The following TAF4B variants were observed in gnomAD, a reference collection of about 807,000 sequenced individuals.
TAF4B encodes the protein transcription initiation factor TFIID subunit 4B.
Under a neutral mutation model 86.4 loss-of-function variants are expected in TAF4B, and 38 were observed. The ratio of observed to expected loss-of-function variants is 0.44; its 90% confidence interval spans 0.34 to 0.58. The LOEUF (loss-of-function observed/expected upper bound fraction) is 0.58. Among genes scored for constraint, TAF4B ranks in the 20% least tolerant of loss-of-function variants. The pLI is 0.02. For synonymous variants in TAF4B, 388 were observed against 391.2 expected (o/e 0.99, Z 0.10); for missense variants, 988 against 1,027.6 (o/e 0.96, Z 0.53).
intron 1 of TAF4B, among the ~76,000 whole-genome samples, chr18:26,250,347 A>G (rs1004928110): frequency 1.3e-5 from 2 of 152,090 alleles, no homozygotes; most frequent in African/African-American, 4.8e-5. Context: ...AATACAAAAA[A>G]TTAGCCAGGC....
At chr18:26,309,243 GTATTT>G (rs1321401722) in intron 9 of TAF4B, among the ~76,000 whole-genome samples, 6 of 88,804 alleles carry the variant, frequency 6.8e-5, no homozygotes, top group South Asian at 4.1e-4. Flanking sequence ...AAACCTGACA[GTATTT>G]TTTTTTTTTT....
chr18:26,368,180 A>G (rs908397872), intron 14 of TAF4B, among the ~76,000 whole-genome samples: 2 of 152,210 alleles, frequency 1.3e-5, no homozygotes, highest in African/African-American at 4.8e-5. Context: ...AGAAATGTGT[A>G]CATTTTCAAA....
At chr18:26,259,446 G>A (rs150583275) in intron 1 of TAF4B, among the ~76,000 whole-genome samples, 1,111 of 98,756 alleles carry the variant, frequency 0.011, 23 homozygotes, top group East Asian at 0.093. Context: ...CTCCCACCCC[G>A]CGACAGGCCC....
intron 1 of TAF4B, among the ~76,000 whole-genome samples, chr18:26,254,295 TTTTG>T (rs1246751741): frequency 6.7e-6 from 1 of 148,578 alleles, no homozygotes; most frequent in African/African-American, 2.4e-5. Flanking sequence ...GGTTTGTCAG[TTTTG>T]TTTATTTTTT....
chr18:26,337,745 G>A (rs548468030), intron 13 of TAF4B, among the ~76,000 whole-genome samples: 13 of 152,142 alleles, frequency 8.5e-5, no homozygotes, highest in Non-Finnish European at 1.2e-4. Flanking sequence ...ATAGGGAGTT[G>A]GATTGCTTGC....
chr18:26,368,418 A>G (rs1358278622), intron 14 of TAF4B, among the ~76,000 whole-genome samples: 3 of 152,146 alleles, frequency 2.0e-5, no homozygotes, highest in African/African-American at 7.2e-5. Flanking sequence ...GTGATTCTTC[A>G]CTCTGAAAAG....
At chr18:26,234,688 T>C (rs2055722191) in intron 1 of TAF4B, among the ~76,000 whole-genome samples, 1 of 152,204 alleles carries the variant, frequency 6.6e-6, no homozygotes, top group African/African-American at 2.4e-5. Context: ...AGAGATCCTC[T>C]TGGGTGGCGT....
At chr18:26,238,319 T>C (rs1167701976) in intron 1 of TAF4B, among the ~76,000 whole-genome samples, 3 of 152,102 alleles carry the variant, frequency 2.0e-5, no homozygotes, top group African/African-American at 4.8e-5. Flanking sequence ...ATCTCCAGGG[T>C]TGGAAGAGTG....
At chr18:26,338,834 G>A (rs2057113889) in intron 13 of TAF4B, among the ~76,000 whole-genome samples, 1 of 152,082 alleles carries the variant, frequency 6.6e-6, no homozygotes, top group African/African-American at 2.4e-5. Context: ...GTTCATCTTT[G>A]CATTCCACAT....
intron 14 of TAF4B, among the ~76,000 whole-genome samples, chr18:26,386,999 A>G (rs574850866): frequency 6.6e-6 from 1 of 152,370 alleles, no homozygotes; most frequent in South Asian, 2.1e-4. Flanking sequence ...ATAAACATAT[A>G]GATACAGTTT....
chr18:26,388,737 A>G (rs959790742), intron 14 of TAF4B, among the ~76,000 whole-genome samples: 11 of 152,344 alleles, frequency 7.2e-5, no homozygotes, highest in Admixed American at 7.2e-4. Context: ...AGGAAGCCAG[A>G]GTGATGGGTT....
chr18:26,226,816 T>G lies in TAF4B; in HGVS notation c.-118T>G. The G allele has an allele frequency of 1.2e-6, 1 of 800,832 alleles. No individual in the cohort carries two copies. Among genetic ancestry groups the G allele is most frequent in the Non-Finnish European group, 1.7e-6 (1 of 576,382 alleles). The allele number at this position is 800,832 out of a possible 1,614,324, so 49.6% of individuals were successfully genotyped here. On this transcript the variant is annotated 5_prime_UTR_variant, in exon 1 of 15. Coordinates refer to ENST00000269142, the MANE Select transcript of TAF4B (RefSeq NM_005640.3). Reference sequence around the variant, plus strand: ...ACTTCGCTGCTGCGGCCCCCGCGCCTCTCCCCAGCGATGCTGTGGAACCCG... The same window carrying G: ...ACTTCGCTGCTGCGGCCCCCGCGCCGCTCCCCAGCGATGCTGTGGAACCCG...
intron 9 of TAF4B, among the ~76,000 whole-genome samples, chr18:26,302,473 C>G (rs1053858128): frequency 7.1e-6 from 1 of 141,344 alleles, no homozygotes; most frequent in African/African-American, 2.6e-5. Flanking sequence ...TTCCTGGACT[C>G]AAACAAGCCT....
At chr18:26,286,563 G>GGTAAGACTAGTAGAAAACTA in intron 7 of TAF4B, 64 bp downstream of exon 7, 1 of 1,513,282 alleles carries the variant, frequency 6.6e-7, no homozygotes, top group Non-Finnish European at 8.8e-7. Context: ...TCAGAAAACT[G>GGTAAGACTAGTAGAAAACTA]GTAAGACTAG....
At chr18:26,388,378 A>G (rs1027641330) in intron 14 of TAF4B, among the ~76,000 whole-genome samples, 3 of 152,252 alleles carry the variant, frequency 2.0e-5, no homozygotes, top group African/African-American at 4.8e-5. Context: ...GTTTTAAACC[A>G]GTACATTCAG....
chr18:26,257,552 T>C (rs905668477), intron 1 of TAF4B, among the ~76,000 whole-genome samples: 7 of 152,090 alleles, frequency 4.6e-5, no homozygotes, highest in African/African-American at 1.7e-4. Context: ...AATGTTGTTA[T>C]ATATATATAG....
At chr18:26,346,773 A>ATATATATATATATGTG (rs1404902479) in intron 13 of TAF4B, among the ~76,000 whole-genome samples, 3 of 24,116 alleles carry the variant, frequency 1.2e-4, no homozygotes, top group East Asian at 4.7e-3. Flanking sequence ...ATATATATAT[A>ATATATATATATATGTG]TGTGTGTGTA....
chr18:26,354,234 C>T (rs1211467422), intron 13 of TAF4B, among the ~76,000 whole-genome samples: 1 of 152,120 alleles, frequency 6.6e-6, no homozygotes, highest in Non-Finnish European at 1.5e-5. Context: ...CCACCATGCC[C>T]AGCTACTTTT....
In TAF4B at chr18:26,267,556, C is replaced by G. The variant is rs1308908787; in HGVS notation, c.530C>G (p.Pro177Arg). Reference protein sequence around the residue: ...SQLIKKVAVTPVKKLAQIGTT... With the variant: ...SQLIKKVAVTRVKKLAQIGTT... ...TTAATCAAGAAAGTGGCAGTGACAC[C>G]TGTTAAAAAATTGGCACAAATAGGA... is the stretch of plus-strand genomic sequence containing the variant. Residue 177 changes from proline (P) to arginine (R), a missense_variant, in exon 3 of 15, where the codon CCT becomes CGT. Pro to Arg is a moderately radical substitution (Grantham distance 103, BLOSUM62 -2). Around this residue, in one of 3 missense-constraint regions of TAF4B, gnomAD observed 747 missense variants for 737.9 expected, o/e 1.01. Transcript: ENST00000269142. 1.2e-6 allele frequency: 2 copies of G among 1,614,144 alleles called. No individual in the cohort carries two copies. The highest frequency in any genetic ancestry group is 1.1e-5 in the South Asian group (1 of 91,082).
Sources: gnomAD v4.1 joint callset for allele counts (sites outside exome capture counted in the v4.1 genomes callset) on GRCh38, gnomAD v4.1.1 for gene constraint, gnomAD v4.1.1 regional missense constraint, MANE v1.5 for transcripts, NCBI Gene and HGNC (gene_info 2026-07-23, HGNC 2026-07-21) for gene names.